Variants in MARCHF4 observed in about 807,000 individuals in gnomAD.
MARCHF4 encodes the protein membrane associated ring-CH-type finger 4.
MARCHF4 carries 14 observed loss-of-function variants against 43.9 expected under a neutral mutation model. That is an observed-to-expected ratio of 0.32 (90% CI 0.21 to 0.50). The LOEUF (loss-of-function observed/expected upper bound fraction) is 0.50, where lower values mean the gene tolerates loss of function less well. Among genes scored for constraint, MARCHF4 ranks in the 20% least tolerant of loss-of-function variants. MARCHF4 has a pLI of 0.98. For synonymous variants in MARCHF4, 226 were observed against 213.3 expected (o/e 1.06, Z -0.52); for missense variants, 468 against 536.7 (o/e 0.87, Z 1.27).
At chr2:216,360,315 T>C (rs1214471065) in intron 1 of MARCHF4, among the ~76,000 whole-genome samples, 2 of 152,170 alleles carry the variant, frequency 1.3e-5, no homozygotes, top group African/African-American at 4.8e-5. Flanking sequence ...TCTATTTCAA[T>C]AAATTTATTT....
intron 3 of MARCHF4, among the ~76,000 whole-genome samples, chr2:216,277,306 G>C (rs908036008): frequency 1.3e-5 from 2 of 152,164 alleles, no homozygotes; most frequent in Admixed American, 1.3e-4. Context: ...GAATGAAATG[G>C]GCAGGCATCC....
At chr2:216,368,578 G>C (rs1036343935) in intron 1 of MARCHF4, among the ~76,000 whole-genome samples, 2 of 152,214 alleles carry the variant, frequency 1.3e-5, no homozygotes, top group African/African-American at 4.8e-5. Context: ...AGCTAAGCCT[G>C]CATCTTACAG....
intron 2 of MARCHF4, among the ~76,000 whole-genome samples, chr2:216,280,374 G>C (rs1318099399): frequency 6.6e-6 from 1 of 152,054 alleles, no homozygotes; most frequent in Non-Finnish European, 1.5e-5. Flanking sequence ...CCTTAGAACA[G>C]GAAGGGGCAC....
chr2:216,260,974 T>A (rs1442227347), intron 3 of MARCHF4, among the ~76,000 whole-genome samples: 1 of 151,922 alleles, frequency 6.6e-6, no homozygotes, highest in Non-Finnish European at 1.5e-5. Flanking sequence ...ACTCGCAGGG[T>A]GGGAGTGAAG....
intron 1 of MARCHF4, among the ~76,000 whole-genome samples, chr2:216,368,663 A>G (rs988370948): frequency 5.3e-5 from 8 of 152,242 alleles, no homozygotes; most frequent in Non-Finnish European, 1.0e-4. Flanking sequence ...TTCCTCAAGG[A>G]GTATCCAGAA....
chr2:216,338,877 C>A (rs1424697645), intron 1 of MARCHF4, among the ~76,000 whole-genome samples: 2 of 152,158 alleles, frequency 1.3e-5, no homozygotes, highest in Non-Finnish European at 2.9e-5. Flanking sequence ...CTCACCACAA[C>A]CCTACCAAGT....
intron 3 of MARCHF4, among the ~76,000 whole-genome samples, chr2:216,274,969 GAAAGC>G (rs1424143706): frequency 6.6e-6 from 1 of 152,218 alleles, no homozygotes; most frequent in Non-Finnish European, 1.5e-5. Context: ...GGATGACACT[GAAAGC>G]AAGTAGGGTC....
chr2:216,271,502 G>A (rs114168993), intron 3 of MARCHF4, among the ~76,000 whole-genome samples: 8,788 of 152,184 alleles, frequency 0.058, 365 homozygotes, highest in Non-Finnish European at 0.091. Context: ...TAGACTATGA[G>A]CTCCTTGAGG....
intron 2 of MARCHF4, among the ~76,000 whole-genome samples, chr2:216,281,078 T>C (rs1691119673): frequency 6.8e-6 from 1 of 146,002 alleles, no homozygotes; most frequent in Non-Finnish European, 1.5e-5. Flanking sequence ...TTTTTTTTTT[T>C]TTTTTGAGAC....
rs200187084 is a variant in MARCHF4, at chr2:216,336,739, AT to A, written c.516+33005del. On this transcript the variant is annotated intron_variant, in intron 1 of 3. Coordinates refer to ENST00000273067, the MANE Select transcript of MARCHF4 (RefSeq NM_020814.3). Reference sequence around the variant, plus strand: ...CATGGCAAATGGGAAAGGCAAATAGATTTAAAAAAAAAAAAAAAAAAAAAAA... The same window carrying A: ...CATGGCAAATGGGAAAGGCAAATAGATTAAAAAAAAAAAAAAAAAAAAAAA... Among the ~76,000 whole-genome samples, 240 of 128,602 alleles carry A rather than the reference AT, an allele frequency of 1.9e-3. 6 individuals are homozygous for A. Among genetic ancestry groups the A allele is most frequent in the South Asian group, 8.5e-3 (29 of 3,422 alleles). The allele number at this position is 128,602 out of a possible 152,430, so 84.4% of individuals were successfully genotyped here.
intron 1 of MARCHF4, among the ~76,000 whole-genome samples, chr2:216,320,383 G>T (rs1229939280): frequency 6.6e-6 from 1 of 152,130 alleles, no homozygotes; most frequent in Non-Finnish European, 1.5e-5. Context: ...ATTTCACATT[G>T]CTTAACTCAT....
chr2:216,354,988 T>TTCTTTCTTTCTTTTC (rs1692477820), intron 1 of MARCHF4, among the ~76,000 whole-genome samples: 5 of 144,084 alleles, frequency 3.5e-5, no homozygotes, highest in Non-Finnish European at 4.5e-5. Context: ...TCTTTCTTTT[T>TTCTTTCTTTCTTTTC]TGAGACAGAG....
At chr2:216,368,730 T>C (rs1692705659) in intron 1 of MARCHF4, among the ~76,000 whole-genome samples, 1 of 152,232 alleles carries the variant, frequency 6.6e-6, no homozygotes, top group African/African-American at 2.4e-5. Context: ...ACACATAACC[T>C]TGCCCACCTT....
intron 1 of MARCHF4, among the ~76,000 whole-genome samples, chr2:216,320,675 C>CTTTCTTTT (rs747734983): frequency 2.4e-4 from 8 of 33,096 alleles, no homozygotes; most frequent in Admixed American, 6.0e-4. Context: ...TTCTTTCTTT[C>CTTTCTTTT]TTTTTTTTTT....
rs1202728399 is a variant in MARCHF4 at position 216,371,100 on chromosome 2, T to C, written c.-840A>G. 1 of 152,198 alleles carries C rather than the reference T, an allele frequency of 6.6e-6. No individual in the cohort carries two copies. Among genetic ancestry groups the C allele is most frequent in the Non-Finnish European group, 1.5e-5 (1 of 68,128 alleles). 9.4% of individuals were successfully genotyped at this position (152,198 alleles called of 1,614,324 possible). A position where few individuals can be genotyped will look rare whatever the true frequency, so the allele number is the denominator to read the frequency against. On this transcript the variant is annotated 5_prime_UTR_variant, in exon 1 of 4. Transcript: ENST00000273067. Reference sequence around the variant, plus strand: ...ATAGAGGTTTGGGAAGGAAAAAGGATGGGAGAAAAAGAAAAGATCGTTTAA... The same window carrying C: ...ATAGAGGTTTGGGAAGGAAAAAGGACGGGAGAAAAAGAAAAGATCGTTTAA...
At chr2:216,301,245 C>T (rs1467828341) in intron 1 of MARCHF4, among the ~76,000 whole-genome samples, 3 of 152,184 alleles carry the variant, frequency 2.0e-5, no homozygotes, top group Non-Finnish European at 4.4e-5. Flanking sequence ...GCAAGAACCT[C>T]CCATGCTCAG....
intron 2 of MARCHF4, among the ~76,000 whole-genome samples, chr2:216,280,398 A>T (rs902425810): frequency 6.6e-6 from 1 of 152,202 alleles, no homozygotes; most frequent in Non-Finnish European, 1.5e-5. Context: ...CTGAGGGATC[A>T]GATGACCCGA....
chr2:216,330,022 C>T (rs1342746079), intron 1 of MARCHF4, among the ~76,000 whole-genome samples: 2 of 151,648 alleles, frequency 1.3e-5, no homozygotes, highest in Non-Finnish European at 2.9e-5. Context: ...TCCTGCAGCC[C>T]AGGATTTTGA....
intron 1 of MARCHF4, among the ~76,000 whole-genome samples, chr2:216,300,524 T>A (rs1691478074): frequency 6.6e-6 from 1 of 151,788 alleles, no homozygotes; most frequent in Non-Finnish European, 1.5e-5. Flanking sequence ...TTTTTGTATA[T>A]TTTATAGAGA....
Sources: gnomAD v4.1 joint callset for allele counts (sites outside exome capture counted in the v4.1 genomes callset) on GRCh38, gnomAD v4.1.1 for gene constraint, MANE v1.5 for transcripts, NCBI Gene and HGNC (gene_info 2026-07-23, HGNC 2026-07-21) for gene names.